DZANK1: variants seen among roughly 807,000 people sequenced by gnomAD.
DZANK1 encodes the protein double zinc ribbon and ankyrin repeat domains 1.
Under a neutral mutation model 94.5 loss-of-function variants are expected in DZANK1, and 91 were observed. The ratio of observed to expected loss-of-function variants is 0.96; its 90% CI spans 0.81 to 1.15. The LOEUF (loss-of-function observed/expected upper bound fraction) is 1.15, where lower values mean the gene tolerates loss of function less well. DZANK1 is among the 50% of genes most tolerant of loss of function. The pLI is 0.00. For missense variants in DZANK1, 903 were observed against 916.4 expected, an observed-to-expected ratio of 0.99 and a Z score of 0.19; for synonymous variants, 312 against 325.3, an observed-to-expected ratio of 0.96 and a Z score of 0.44.
At chr20:18,460,115 T>C (rs754363004) in intron 3 of DZANK1, 38 bp downstream of exon 3, 26 of 1,324,092 alleles carry the variant, frequency 2.0e-5, no homozygotes, top group Non-Finnish European at 2.5e-5. Context: ...AATGTTATTA[T>C]ATCATAAATT....
Position 18,391,881 on chromosome 20 carries a change from T to A in DZANK1, c.1810-1422A>T, listed in dbSNP as rs183750079. 3.9e-5 allele frequency among the ~76,000 whole-genome samples: 6 copies of A among 152,366 alleles called. No individual in the cohort carries two copies. In the East Asian group the frequency reaches 1.2e-3, roughly 29 times the overall value. ...ATGAATAGCTTAGAACCAAGTACTCTAATCAGTAAACCCCCAGCAGGGGTC... is the reference window on the plus strand; with the variant it reads ...ATGAATAGCTTAGAACCAAGTACTCAAATCAGTAAACCCCCAGCAGGGGTC... On this transcript the variant is annotated intron_variant, in intron 17 of 20. Transcript: ENST00000262547.
intron 3 of DZANK1, among the ~76,000 whole-genome samples, chr20:18,455,904 C>A (rs945314642): frequency 7.9e-5 from 12 of 152,194 alleles, no homozygotes; most frequent in African/African-American, 2.9e-4. Context: ...CAATCCCCTG[C>A]CAGTGTTTTT....
chr20:18,449,416 G>C (rs1341906473), intron 6 of DZANK1, among the ~76,000 whole-genome samples: 1 of 151,912 alleles, frequency 6.6e-6, no homozygotes, highest in Non-Finnish European at 1.5e-5. Flanking sequence ...TATTACTCTA[G>C]TATCTAACAT....
intron 14 of DZANK1, 86 bp from the exon 15 acceptor site, chr20:18,396,632 A>C (rs1161733203): frequency 1.1e-6 from 1 of 922,000 alleles, no homozygotes. Flanking sequence ...CTGAGATGTC[A>C]AACTCTAAAT....
chr20:18,393,957 G>C, intron 16 of DZANK1, 146 bp from the exon 17 acceptor site: 2 of 644,858 alleles, frequency 3.1e-6, no homozygotes, highest in Non-Finnish European at 5.3e-6. Flanking sequence ...CGGCAGGAGA[G>C]ACTCCTGGAG....
Position 18,389,735 on chromosome 20 carries a change from G to A in DZANK1, c.1984C>T (p.Gln662Ter). Residue 662 changes from glutamine (Q) to a stop codon, truncating the protein, a stop_gained, in exon 19 of 21, where the codon CAG (glutamine) becomes TAG (stop). Transcript: ENST00000262547. LOFTEE classifies it high-confidence loss of function. ...TGCTGGTCGATGTCTGCTCCTCTCT[G>A]CACGAGAACTGGAATCGCTTCATGG... 1 of 1,613,918 alleles carries A rather than the reference G, an allele frequency of 6.2e-7. No homozygotes were observed. Among genetic ancestry groups the A allele is most frequent in the Non-Finnish European group, 8.5e-7 (1 of 1,179,882 alleles).
chr20:18,394,569 C>G, intron 15 of DZANK1: 1 of 682,024 alleles, frequency 1.5e-6, no homozygotes, highest in South Asian at 1.4e-5. Context: ...GGCCCCTCCT[C>G]CTCTCCCTCC....
At chr20:18,447,244 G>C (rs539387480) in intron 7 of DZANK1, among the ~76,000 whole-genome samples, 4 of 152,076 alleles carry the variant, frequency 2.6e-5, no homozygotes, top group African/African-American at 4.8e-5. Context: ...GGGAGGTTGA[G>C]GGGAGCAGAT....
chr20:18,403,796 CTTT>C (rs35824877), intron 13 of DZANK1, among the ~76,000 whole-genome samples: 41 of 111,740 alleles, frequency 3.7e-4, no homozygotes, highest in East Asian at 1.1e-3. Flanking sequence ...AACTTTCTTT[CTTT>C]TTTTTTTTTT....
intron 10 of DZANK1, among the ~76,000 whole-genome samples, chr20:18,421,943 A>C (rs911518393): frequency 3.3e-5 from 5 of 152,072 alleles, no homozygotes; most frequent in African/African-American, 1.2e-4. Flanking sequence ...TGAGTTCCTT[A>C]TATGTACTGG....
chr20:18,403,598 T>C (rs2056796539), intron 13 of DZANK1, among the ~76,000 whole-genome samples: 1 of 152,096 alleles, frequency 6.6e-6, no homozygotes, highest in African/African-American at 2.4e-5. Context: ...GTGAGCTAAA[T>C]AGGCCAGCCA....
chr20:18,402,042 C>G (rs1240199062), intron 13 of DZANK1, among the ~76,000 whole-genome samples: 1 of 152,128 alleles, frequency 6.6e-6, no homozygotes, highest in East Asian at 1.9e-4. Context: ...GGTTTTGACT[C>G]CCACTAAGGA....
At chr20:18,408,930 G>A (rs2057097947) in intron 13 of DZANK1, among the ~76,000 whole-genome samples, 1 of 152,014 alleles carries the variant, frequency 6.6e-6, no homozygotes, top group South Asian at 2.1e-4. Context: ...ACTAAATTAT[G>A]AACCAATCAA....
At position 18,384,932 on chromosome 20, in the gene DZANK1, C is replaced by T. The variant is rs1600682763; in HGVS notation, c.2093+84G>A. On this transcript the variant is annotated intron_variant, in intron 20 of 20. Coordinates refer to ENST00000262547, the Ensembl canonical transcript of DZANK1. Reference sequence around the variant, plus strand: ...TGGACAGGGACAGCAGTTCAGGAACCAAGGCCCCTCTTAAAATCATCACAG... The same window carrying T: ...TGGACAGGGACAGCAGTTCAGGAACTAAGGCCCCTCTTAAAATCATCACAG... 3 of 1,351,584 alleles carry T rather than the reference C, an allele frequency of 2.2e-6. No homozygotes were observed. The African/African-American group carries it at 4.4e-5, about 20-fold the overall frequency. The allele number at this position is 1,351,584 out of a possible 1,614,324, so 83.7% of individuals were successfully genotyped here.
intron 9 of DZANK1, among the ~76,000 whole-genome samples, chr20:18,430,094 T>C (rs1490723879): frequency 2.0e-5 from 3 of 152,176 alleles, no homozygotes; most frequent in African/African-American, 7.2e-5. Context: ...TTTAAAATAG[T>C]TGGAAGAGGA....
At chr20:18,466,533 C>T (rs1568569879) in intron 1 of DZANK1, among the ~76,000 whole-genome samples, 1 of 152,214 alleles carries the variant, frequency 6.6e-6, no homozygotes, top group Non-Finnish European at 1.5e-5. Context: ...GGGAGTGTGG[C>T]TGGACTTGAG....
chr20:18,465,257 C>T, exon 2 of DZANK1: 1 of 1,582,984 alleles, frequency 6.3e-7, no homozygotes, highest in Non-Finnish European at 8.6e-7. Context: ...TACCTGATTT[C>T]ATTTCCAAAA....
chr20:18,424,979 A>ATAGT (rs1568951344), intron 10 of DZANK1, among the ~76,000 whole-genome samples: 1 of 152,238 alleles, frequency 6.6e-6, no homozygotes, highest in Admixed American at 6.5e-5. Context: ...AGACAAAATC[A>ATAGT]TAGTGTCAAA....
At chr20:18,421,369 A>G (rs1273310611) in intron 10 of DZANK1, 1 of 156,542 alleles carries the variant, frequency 6.4e-6, no homozygotes, top group African/African-American at 2.4e-5. Context: ...AATCCTTAAA[A>G]CGGAGGTGAC....
Sources: gnomAD v4.1 joint callset for allele counts (sites outside exome capture counted in the v4.1 genomes callset) on GRCh38, gnomAD v4.1.1 for gene constraint, MANE v1.5 for transcripts, NCBI Gene and HGNC (gene_info 2026-07-23, HGNC 2026-07-21) for gene names.